The following QKI variants were observed in gnomAD, a reference collection of about 807,000 sequenced individuals.
QKI encodes QKI, KH domain containing RNA binding.
In QKI, 10 loss-of-function variants were observed where a neutral mutation model predicts 39.0. That is an observed-to-expected ratio of 0.26 (90% CI 0.16 to 0.43). The LOEUF is 0.43. Among genes scored for constraint, QKI ranks in the 20% least tolerant of loss-of-function variants. The probability of loss-of-function intolerance (pLI) is 1.00; values close to 1 mark genes in which losing one functional copy is unlikely to be tolerated. For missense variants in QKI, 218 were observed against 428.0 expected, an observed-to-expected ratio of 0.51 and a Z score of 4.33; for synonymous variants, 204 against 155.4, an observed-to-expected ratio of 1.31 and a Z score of -2.33.
intron 4 of QKI, among the ~76,000 whole-genome samples, chr6:163,550,621 C>T (rs1022722744): frequency 2.4e-4 from 37 of 151,908 alleles, no homozygotes; most frequent in African/African-American, 8.5e-4. Flanking sequence ...AATATACGTA[C>T]GAAATATTTA....
intron 1 of QKI, among the ~76,000 whole-genome samples, chr6:163,417,111 G>A (rs1390962443): frequency 6.6e-6 from 1 of 152,122 alleles, no homozygotes; most frequent in African/African-American, 2.4e-5. Context: ...TTTATATAGT[G>A]TTTTCGAACA....
At chr6:163,560,185 A>G (rs7752293) in intron 4 of QKI, among the ~76,000 whole-genome samples, 8,454 of 152,236 alleles carry the variant, frequency 0.056, 286 homozygotes, top group African/African-American at 0.093. Flanking sequence ...AATAAGCCCT[A>G]TTCTCATGGA....
chr6:163,449,993 GTGTGTATAACATA>G (rs1445831447), intron 1 of QKI, among the ~76,000 whole-genome samples: 1 of 151,840 alleles, frequency 6.6e-6, no homozygotes, highest in Non-Finnish European at 1.5e-5. Flanking sequence ...TTTAACATAT[GTGTGTATAACATA>G]TATGTATAAC....
At chr6:163,455,140 A>G (rs1790828796) in intron 1 of QKI, 139 bp from the exon 2 acceptor site, 1 of 595,526 alleles carries the variant, frequency 1.7e-6, no homozygotes. Flanking sequence ...AATCCAGAGA[A>G]TGATAGAATA....
At position 163,573,803 on chromosome 6, in the gene QKI, C is replaced by T. The variant is rs2128253829; in HGVS notation, c.*3093C>T. ...ATGTTATAATACCAACCTACTAACT[C>T]TGGACTTTGTCTGTTTATTAACCTT... On this transcript the variant is annotated 3_prime_UTR_variant, in exon 8 of 8. Transcript: ENST00000361752. 1 of 152,254 alleles carries T rather than the reference C, an allele frequency of 6.6e-6. No homozygotes were observed. The highest frequency in any genetic ancestry group is 2.1e-4 in the South Asian group (1 of 4,814). The allele number at this position is 152,254 out of a possible 1,614,324, so 9.4% of individuals were successfully genotyped here.
In QKI at chr6:163,457,311, A is replaced by C; in HGVS notation, c.285+1890A>C. The C allele has an allele frequency of 6.6e-6, 3 of 456,008 alleles. No individual in the cohort carries two copies. In the Admixed American group the frequency reaches 7.0e-5, roughly 11 times the overall value. 28.2% of individuals were successfully genotyped at this position (456,008 alleles called of 1,614,324 possible). A position where few individuals can be genotyped will look rare whatever the true frequency, so the allele number is the denominator to read the frequency against. ...ATTCTTTAAAAGACATGGGTTTCAT[A>C]CAGTCTTCTAAGTCAGGACTTGAGT... On this transcript the variant is annotated intron_variant, in intron 2 of 7. Coordinates refer to ENST00000361752, the MANE Select transcript of QKI (RefSeq NM_006775.3).
At chr6:163,555,701 A>G (rs1782548544) in intron 4 of QKI, among the ~76,000 whole-genome samples, 1 of 152,178 alleles carries the variant, frequency 6.6e-6, no homozygotes, top group Non-Finnish European at 1.5e-5. Context: ...TAAACTGTTC[A>G]ATGCCCTGAA....
At chr6:163,445,254 T>C (rs1357317572) in intron 1 of QKI, among the ~76,000 whole-genome samples, 1 of 152,242 alleles carries the variant, frequency 6.6e-6, no homozygotes, top group Non-Finnish European at 1.5e-5. Context: ...ATCACTAATC[T>C]GCAAATCTTA....
intron 3 of QKI, among the ~76,000 whole-genome samples, chr6:163,490,777 G>T (rs566062577): frequency 1.3e-5 from 2 of 152,126 alleles, no homozygotes; most frequent in Non-Finnish European, 2.9e-5. Context: ...TGACAGTAGT[G>T]GAAGAGATGG....
chr6:163,473,290 A>G (rs1344498278), intron 2 of QKI, among the ~76,000 whole-genome samples: 1 of 152,126 alleles, frequency 6.6e-6, no homozygotes, highest in African/African-American at 2.4e-5. Context: ...AGAGAGTAGA[A>G]CCACGTAAGA....
chr6:163,469,904 T>C (rs1255343520), intron 2 of QKI, among the ~76,000 whole-genome samples: 1 of 152,190 alleles, frequency 6.6e-6, no homozygotes, highest in East Asian at 1.9e-4. Flanking sequence ...TACTACCTTA[T>C]GTCAATTCTA....
intron 1 of QKI, among the ~76,000 whole-genome samples, chr6:163,428,837 T>A (rs557667982): frequency 6.6e-6 from 1 of 152,142 alleles, no homozygotes; most frequent in African/African-American, 2.4e-5. Flanking sequence ...GAAGAATATG[T>A]CTTGTTTCTA....
intron 1 of QKI, among the ~76,000 whole-genome samples, chr6:163,446,591 T>C (rs1022271479): frequency 5.3e-5 from 8 of 152,210 alleles, no homozygotes; most frequent in African/African-American, 1.9e-4. Context: ...GGGGACTGGC[T>C]TCCCCTGAGT....
chr6:163,421,470 T>C (rs765352161), intron 1 of QKI, among the ~76,000 whole-genome samples: 2 of 152,190 alleles, frequency 1.3e-5, no homozygotes, highest in Non-Finnish European at 2.9e-5. Context: ...AGTCCCCACA[T>C]ATATAGTTCT....
intron 3 of QKI, among the ~76,000 whole-genome samples, chr6:163,495,062 C>T (rs1327065068): frequency 2.0e-5 from 3 of 151,832 alleles, no homozygotes; most frequent in Non-Finnish European, 2.9e-5. Flanking sequence ...ATTATAGGAG[C>T]GTGTCAAAAC....
intron 5 of QKI, 60 bp from the exon 6 acceptor site, chr6:163,563,360 T>G: frequency 1.4e-6 from 2 of 1,433,396 alleles, no homozygotes; most frequent in South Asian, 2.8e-5. Flanking sequence ...CCCTTCTCAT[T>G]TTTCCGTATT....
chr6:163,445,661 C>T (rs571479727), intron 1 of QKI, among the ~76,000 whole-genome samples: 1 of 148,254 alleles, frequency 6.7e-6, no homozygotes, highest in South Asian at 2.1e-4. Context: ...GTTGCCCAGG[C>T]TGGAGTGCAG....
intron 2 of QKI, among the ~76,000 whole-genome samples, chr6:163,469,334 A>T (rs1421599358): frequency 6.6e-6 from 1 of 152,106 alleles, no homozygotes; most frequent in African/African-American, 2.4e-5. Flanking sequence ...CCAATTACAT[A>T]TTAGTGATTT....
chr6:163,439,122 G>A (rs2128214000), intron 1 of QKI, among the ~76,000 whole-genome samples: 1 of 152,224 alleles, frequency 6.6e-6, no homozygotes, highest in South Asian at 2.1e-4. Context: ...TTGGCCCACT[G>A]CCAGGTCTTC....
Sources: allele counts gnomAD v4.1 joint callset (sites outside exome capture counted in the v4.1 genomes callset), GRCh38; gene constraint gnomAD v4.1.1; transcripts MANE v1.5; gene names NCBI Gene and HGNC (gene_info 2026-07-23, HGNC 2026-07-21).